MTG2: variants seen among roughly 807,000 people sequenced by gnomAD.
The protein encoded by MTG2 is mitochondrial ribosome-associated GTPase 2.
Under a neutral mutation model 28.6 loss-of-function variants are expected in MTG2, and 23 were observed. That is an observed-to-expected ratio of 0.80 (90% CI 0.58 to 1.14). The LOEUF is 1.14. Among genes scored for constraint, MTG2 ranks in the 50% most tolerant of loss-of-function variants. The pLI is 0.00. For synonymous variants in MTG2, 260 were observed against 251.8 expected (o/e 1.03, Z -0.31); for missense variants, 539 against 552.0 (o/e 0.98, Z 0.24).
At chr20:62,191,562 G>C (rs940158480) in intron 1 of MTG2, among the ~76,000 whole-genome samples, 1 of 152,196 alleles carries the variant, frequency 6.6e-6, no homozygotes, top group Non-Finnish European at 1.5e-5. Flanking sequence ...CCCCAAAGGA[G>C]GTGGCACCTT....
At position 62,200,687 on chromosome 20, in the gene MTG2, C is replaced by G. The variant is rs752055937; in HGVS notation, c.831C>G (p.Ala277=). 6 of 1,604,408 alleles carry G rather than the reference C, an allele frequency of 3.7e-6. No homozygotes were observed. The highest frequency in any genetic ancestry group is 5.1e-6 in the Non-Finnish European group (6 of 1,175,438). ...HYEGHLQIAV[A]DIPGIIRGAH... is the part of the protein sequence containing the mutation. ...GTGCCCCTGTCTTCCCTGCAGTGGC[C>G]GACATCCCCGGCATCATACGAGGCG... The change falls in exon 7 of 7, where the codon GCC becomes GCG. Residue 277 remains alanine, a synonymous_variant. Transcript: ENST00000370823.
Position 62,196,100 on chromosome 20 carries a change from C to G in MTG2, c.352+151C>G. Reference sequence around the variant, plus strand: ...GGCTGAGGCAGGAGGATCACTTGAGCCCATAAGTTCAAGACCAGCCTGGAC... The same window carrying G: ...GGCTGAGGCAGGAGGATCACTTGAGGCCATAAGTTCAAGACCAGCCTGGAC... On this transcript the variant is annotated intron_variant, in intron 3 of 6. Transcript: ENST00000370823. The G allele has an allele frequency of 3.3e-6, 3 of 905,860 alleles. No homozygotes were observed. The Middle Eastern group carries it at 1.0e-3, about 313-fold the overall frequency. The allele number at this position is 905,860 out of a possible 1,614,324, so 56.1% of individuals were successfully genotyped here.
intron 1 of MTG2, among the ~76,000 whole-genome samples, chr20:62,191,687 C>T (rs2057963545): frequency 6.6e-6 from 1 of 152,172 alleles, no homozygotes; most frequent in South Asian, 2.1e-4. Flanking sequence ...TTCAGCCGTC[C>T]ACTGGGGCCC....
chr20:62,186,462 A>AT (rs1418617399), intron 1 of MTG2, among the ~76,000 whole-genome samples: 6 of 146,804 alleles, frequency 4.1e-5, no homozygotes, highest in African/African-American at 1.3e-4. Flanking sequence ...AATACAACTG[A>AT]TTTTTTTATA....
intron 1 of MTG2, among the ~76,000 whole-genome samples, chr20:62,191,254 A>C (rs2057952632): frequency 6.6e-6 from 1 of 152,118 alleles, no homozygotes; most frequent in South Asian, 2.1e-4. Flanking sequence ...TGGCAGCTGC[A>C]GGCAGCCGGG....
In MTG2 at chr20:62,201,042, G is replaced by A. The variant is rs750600172; in HGVS notation, c.1186G>A (p.Glu396Lys). The change falls in exon 7 of 7, where the codon GAG becomes AAG. Residue 396 changes from glutamate to lysine, a missense_variant. By Grantham distance (56) the Glu-to-Lys change is moderately conservative. Coordinates refer to ENST00000370823, the MANE Select transcript of MTG2 (RefSeq NM_015666.4). The stretch of plus-strand genomic sequence containing the variant: ...GCTGTATGACGCCTACGCGGAGGCC[G>A]AGCTGGGCCAGGGCCGCCAGCCGCT... ...KVLYDAYAEA[E>K]LGQGRQPLRW The A allele has an allele frequency of 7.2e-5, 115 of 1,603,434 alleles. No homozygotes were observed. Among genetic ancestry groups the A allele is most frequent in the Non-Finnish European group, 9.3e-5 (109 of 1,176,546 alleles).
At chr20:62,199,041 A>AAT in intron 5 of MTG2, 78 bp from the exon 6 acceptor site, 1 of 1,595,824 alleles carries the variant, frequency 6.3e-7, no homozygotes, top group Non-Finnish European at 8.6e-7. Flanking sequence ...TCCTCCCTCC[A>AAT]ATCCCAGTTA....
Position 62,198,739 on chromosome 20 carries a change from A to T in MTG2, c.574A>T (p.Asn192Tyr). Residue 192 changes from asparagine (N) to tyrosine (Y), a missense_variant, in exon 5 of 7, where the codon AAC (asparagine) becomes TAC (tyrosine). Asn to Tyr is a moderately radical substitution (Grantham distance 143, BLOSUM62 -2). Coordinates refer to ENST00000370823, the MANE Select transcript of MTG2 (RefSeq NM_015666.4). ...AALGGAGGKG[N>Y]RFFLANNNRA... ...GCTGGGCGGGGCAGGAGGGAAAGGC[A>T]ACCGCTTCTTCCTGGCCAACAACAA... is the stretch of plus-strand genomic sequence containing the variant. The T allele has an allele frequency of 6.2e-7, 1 of 1,614,118 alleles. No homozygotes were observed. The highest frequency in any genetic ancestry group is 8.5e-7 in the Non-Finnish European group (1 of 1,180,038).
rs768332719 is a variant in MTG2 at position 62,199,169 on chromosome 20, C to T, written c.738C>T (p.Asn246=). 4.0e-5 allele frequency: 65 copies of T among 1,614,026 alleles called. No individual in the cohort carries two copies. Among genetic ancestry groups the T allele is most frequent in the African/African-American group, 1.9e-4 (14 of 74,942 alleles). The change falls in exon 6 of 7, where the codon AAC becomes AAT. Residue 246 remains asparagine, a synonymous_variant. Transcript: ENST00000370823. ...GKSSLLRAIS[N]ARPAVASYPF... ...CCTCACTGCTCCGGGCCATTTCAAACGCCAGACCCGCCGTGGCTTCCTACC... is the reference window on the plus strand; with the variant it reads ...CCTCACTGCTCCGGGCCATTTCAAATGCCAGACCCGCCGTGGCTTCCTACC...
chr20:62,200,687 C>T lies in MTG2; in HGVS notation c.831C>T (p.Ala277=), dbSNP rs752055937. Residue 277 remains alanine, a synonymous_variant, in exon 7 of 7, where the codon GCC becomes GCT. Coordinates refer to ENST00000370823, the MANE Select transcript of MTG2 (RefSeq NM_015666.4). ...HYEGHLQIAV[A]DIPGIIRGAH... The stretch of plus-strand genomic sequence containing the variant: ...GTGCCCCTGTCTTCCCTGCAGTGGC[C>T]GACATCCCCGGCATCATACGAGGCG... 16 of 1,604,290 alleles carry T rather than the reference C, an allele frequency of 1.0e-5. No individual in the cohort carries two copies. The highest frequency in any genetic ancestry group is 8.8e-5 in the South Asian group (8 of 90,446).
At chr20:62,191,316 A>G (rs1266064489) in intron 1 of MTG2, among the ~76,000 whole-genome samples, 3 of 152,030 alleles carry the variant, frequency 2.0e-5, no homozygotes, top group Non-Finnish European at 4.4e-5. Context: ...ACCGGGGCCC[A>G]CGTGGGAGGG....
chr20:62,201,211 CTG>C lies in MTG2; in HGVS notation c.*135_*136del. On this transcript the variant is annotated 3_prime_UTR_variant, in exon 7 of 7. Transcript: ENST00000370823. ...CTTCTGGGTCTCTGGGCCCCGCCTG[CTG>C]GCCTGAGATGCCCTCATGTTGGGAA... is the stretch of plus-strand genomic sequence containing the variant. 1 of 1,144,550 alleles carries C rather than the reference CTG, an allele frequency of 8.7e-7. No homozygotes were observed. The highest frequency in any genetic ancestry group is 1.2e-6 in the Non-Finnish European group (1 of 835,130). 70.9% of individuals were successfully genotyped at this position (1,144,550 alleles called of 1,614,324 possible). A position where few individuals can be genotyped will look rare whatever the true frequency, so the allele number is the denominator to read the frequency against.
rs139683821 is a variant in MTG2 at position 62,200,807 on chromosome 20, G to A, written c.951G>A (p.Pro317=). 6.7e-5 allele frequency: 108 copies of A among 1,613,938 alleles called. No homozygotes were observed. In the African/African-American group the frequency reaches 8.7e-4, roughly 13 times the overall value. Residue 317 remains proline, a synonymous_variant, in exon 7 of 7, where the codon CCG becomes CCA. Coordinates refer to ENST00000370823, the MANE Select transcript of MTG2 (RefSeq NM_015666.4). ...LFVVDLSQPE[P]WTQVDDLKYE... is the part of the protein sequence containing the mutation. The stretch of plus-strand genomic sequence containing the variant: ...TGGTGGATCTTTCTCAGCCTGAGCC[G>A]TGGACTCAAGTTGACGATTTAAAAT...
chr20:62,189,364 C>T (rs558529379), intron 1 of MTG2, among the ~76,000 whole-genome samples: 8 of 152,068 alleles, frequency 5.3e-5, no homozygotes, highest in South Asian at 2.1e-4. Flanking sequence ...GGCTGGAGTG[C>T]GGTGGCATAT....
chr20:62,196,169 T>TG (rs2058054759), intron 3 of MTG2, among the ~76,000 whole-genome samples: 1 of 82,546 alleles, frequency 1.2e-5, no homozygotes, highest in Non-Finnish European at 2.6e-5. Context: ...GTTTTTTTGT[T>TG]TTTTTTTTTT....
chr20:62,192,680 A>G (rs1381777988), intron 1 of MTG2, among the ~76,000 whole-genome samples: 1 of 152,000 alleles, frequency 6.6e-6, no homozygotes, highest in African/African-American at 2.4e-5. Flanking sequence ...ATTAGAACAG[A>G]AGACTCTCCT....
intron 1 of MTG2, among the ~76,000 whole-genome samples, chr20:62,184,187 T>A (rs999612447): frequency 2.0e-5 from 3 of 152,064 alleles, no homozygotes; most frequent in African/African-American, 7.2e-5. Flanking sequence ...TGAAACCCCA[T>A]CTCTACTAAA....
At chr20:62,188,508 A>ATTTTTTTTTTTTTTTT (rs1192106476) in intron 1 of MTG2, among the ~76,000 whole-genome samples, 1 of 89,726 alleles carries the variant, frequency 1.1e-5, no homozygotes, top group African/African-American at 4.5e-5. Context: ...TAATCAGCTA[A>ATTTTTTTTTTTTTTTT]TTTTTTTTTT....
rs191407421 is a variant in MTG2, at chr20:62,193,932, A to G, written c.204+308A>G. ...CATATATCCTTTCATATGTGTGGCT[A>G]TTTCTTAATTTAAAACAAATGCGGA... On this transcript the variant is annotated intron_variant, in intron 2 of 6. Transcript: ENST00000370823. 13 of 268,536 alleles carry G rather than the reference A, an allele frequency of 4.8e-5. No individual in the cohort carries two copies. The East Asian group carries it at 9.9e-4, about 20-fold the overall frequency. The allele number at this position is 268,536 out of a possible 1,614,324, so 16.6% of individuals were successfully genotyped here. A position where few individuals can be genotyped will look rare whatever the true frequency, so the allele number is the denominator to read the frequency against.
Sources: allele counts gnomAD v4.1 joint callset (sites outside exome capture counted in the v4.1 genomes callset), GRCh38; gene constraint gnomAD v4.1.1; transcripts MANE v1.5; gene names NCBI Gene and HGNC (gene_info 2026-07-23, HGNC 2026-07-21).